Variants in CTNND2 observed in about 807,000 individuals in gnomAD.
CTNND2 encodes the protein catenin delta 2.
Under a neutral mutation model 144.4 loss-of-function variants are expected in CTNND2, and 22 were observed. The observed-to-expected ratio is 0.15, with a 90% CI of 0.11 to 0.22. CTNND2 has a LOEUF of 0.22. CTNND2 is among the 10% of genes least tolerant of loss of function. The pLI is 1.00. For missense variants in CTNND2, 1,353 were observed against 1,618.8 expected (o/e 0.84, Z 2.82); for synonymous variants, 751 against 695.6 (o/e 1.08, Z -1.25).
intron 1 of CTNND2, among the ~76,000 whole-genome samples, chr5:11,789,268 G>C (rs1374749853): frequency 6.6e-6 from 1 of 152,134 alleles, no homozygotes; most frequent in African/African-American, 2.4e-5. Flanking sequence ...GTGACTTTCT[G>C]AATCAATTTT....
chr5:11,553,299 G>A lies in CTNND2; in HGVS notation c.287+11645C>T, dbSNP rs140032469. 2.9e-3 allele frequency among the ~76,000 whole-genome samples: 444 copies of A among 152,224 alleles called. 2 individuals carry two copies. Among genetic ancestry groups the A allele is most frequent in the African/African-American group, 0.01 (427 of 41,530 alleles). ...ATCTCATCTTGTCAATTTCTGTGTG[G>A]TTGTCTAGACTATATTATGAAGGAG... On this transcript the variant is annotated intron_variant, in intron 3 of 21. Transcript: ENST00000304623.
chr5:11,285,572 G>T (rs114410400), intron 9 of CTNND2, among the ~76,000 whole-genome samples: 12 of 152,194 alleles, frequency 7.9e-5, no homozygotes, highest in African/African-American at 2.7e-4. Flanking sequence ...AAGCCAGAAT[G>T]AGGGGGATTT....
At chr5:11,198,054 T>C (rs780598473) in intron 11 of CTNND2, among the ~76,000 whole-genome samples, 13 of 152,202 alleles carry the variant, frequency 8.5e-5, no homozygotes, top group East Asian at 1.9e-4. Flanking sequence ...TCACATGCAC[T>C]GAGCTCTTTC....
At chr5:11,166,542 C>T (rs538350312) in intron 11 of CTNND2, among the ~76,000 whole-genome samples, 12 of 151,664 alleles carry the variant, frequency 7.9e-5, no homozygotes, top group East Asian at 7.8e-4. Flanking sequence ...CCACCACGCC[C>T]GGCCAAAAAA....
At chr5:11,318,680 A>G (rs993204136) in intron 9 of CTNND2, among the ~76,000 whole-genome samples, 1 of 152,032 alleles carries the variant, frequency 6.6e-6, no homozygotes, top group Admixed American at 6.6e-5. Flanking sequence ...TCCCTTTGAC[A>G]CCACTAAATC....
At chr5:11,653,645 C>G (rs1261648509) in intron 2 of CTNND2, among the ~76,000 whole-genome samples, 2 of 151,966 alleles carry the variant, frequency 1.3e-5, no homozygotes, top group Non-Finnish European at 2.9e-5. Flanking sequence ...TATTAGCCTT[C>G]TAGCAGATAC....
At chr5:11,154,392 T>G (rs565999142) in intron 12 of CTNND2, among the ~76,000 whole-genome samples, 1 of 152,326 alleles carries the variant, frequency 6.6e-6, no homozygotes, top group African/African-American at 2.4e-5. Context: ...ACATCTTGAC[T>G]TGTAGAACTC....
At position 11,623,837 on chromosome 5, in the gene CTNND2, T is replaced by C. The variant is rs1459268645; in HGVS notation, c.175-58781A>G. ...ATATATATATATATATATATATATA[T>C]ATATATATATATATATGCACCAAAA... On this transcript the variant is annotated intron_variant, in intron 2 of 21. Coordinates refer to ENST00000304623, the MANE Select transcript of CTNND2 (RefSeq NM_001332.4). Among the ~76,000 whole-genome samples the C allele has an allele frequency of 8.4e-4, 103 of 123,350 alleles. 2 individuals carry two copies. The highest frequency in any genetic ancestry group is 1.1e-3 in the Non-Finnish European group (68 of 60,936). The allele number at this position is 123,350 out of a possible 152,430, so 80.9% of individuals were successfully genotyped here.
At chr5:11,489,509 T>C (rs1769185714) in intron 3 of CTNND2, among the ~76,000 whole-genome samples, 1 of 152,054 alleles carries the variant, frequency 6.6e-6, no homozygotes, top group Non-Finnish European at 1.5e-5. Context: ...TCAATAAATG[T>C]GGTCTGAAAA....
chr5:11,117,399 C>T (rs375482761), intron 13 of CTNND2, 51 bp downstream of exon 13: 75 of 1,401,732 alleles, frequency 5.4e-5, no homozygotes, highest in Non-Finnish European at 6.5e-5. Flanking sequence ...TGTTGAGTCC[C>T]GTGGGAGTCT....
At chr5:10,994,251 C>T (rs1216883323) in intron 18 of CTNND2, among the ~76,000 whole-genome samples, 1 of 58,694 alleles carries the variant, frequency 1.7e-5, no homozygotes, top group African/African-American at 7.3e-5. Flanking sequence ...GATAGAGGAG[C>T]GGGGTGGGGG....
chr5:11,230,777 C>T (rs965765312), intron 10 of CTNND2, among the ~76,000 whole-genome samples: 2 of 152,222 alleles, frequency 1.3e-5, no homozygotes, highest in African/African-American at 4.8e-5. Context: ...TATGTGACTA[C>T]ACTTCTATCT....
chr5:11,651,694 A>G (rs181926693), intron 2 of CTNND2, among the ~76,000 whole-genome samples: 2 of 152,262 alleles, frequency 1.3e-5, no homozygotes, highest in East Asian at 3.9e-4. Context: ...CCTGGATGTG[A>G]GCAATGGAGT....
chr5:10,995,892 C>T (rs1185628632), intron 18 of CTNND2, among the ~76,000 whole-genome samples: 1 of 151,812 alleles, frequency 6.6e-6, no homozygotes, highest in East Asian at 1.9e-4. Context: ...TTGTTTTTTG[C>T]ATTTTCTTAT....
At chr5:11,771,451 A>AATAAAG (rs11281198) in intron 1 of CTNND2, among the ~76,000 whole-genome samples, 130,206 of 151,954 alleles carry the variant, frequency 0.86, 58,729 homozygotes, top group South Asian at 0.99. Flanking sequence ...TAAAATGAAA[A>AATAAAG]ATAAGGAACA....
chr5:11,250,782 G>A (rs1299536031), intron 9 of CTNND2, among the ~76,000 whole-genome samples: 1 of 151,942 alleles, frequency 6.6e-6, no homozygotes, highest in Non-Finnish European at 1.5e-5. Context: ...CTCCCAAAGT[G>A]CTGGGATTAC....
intron 9 of CTNND2, among the ~76,000 whole-genome samples, chr5:11,258,440 C>A (rs568571775): frequency 6.6e-6 from 1 of 152,210 alleles, no homozygotes; most frequent in African/African-American, 2.4e-5. Context: ...GCTCAGGCAC[C>A]AATCCGTTCA....
intron 3 of CTNND2, among the ~76,000 whole-genome samples, chr5:11,427,901 G>T (rs1193763079): frequency 2.0e-5 from 3 of 152,178 alleles, no homozygotes; most frequent in African/African-American, 7.2e-5. Flanking sequence ...GGAGGAAAAA[G>T]AGGTTTAATT....
intron 2 of CTNND2, among the ~76,000 whole-genome samples, chr5:11,609,228 TTGTTTC>T (rs535787227): frequency 1.5e-3 from 224 of 152,306 alleles, no homozygotes; most frequent in African/African-American, 5.2e-3. Flanking sequence ...GTTGCTTATG[TTGTTTC>T]TGCCTACATA....
Sources: gnomAD v4.1 joint callset for allele counts (sites outside exome capture counted in the v4.1 genomes callset) on GRCh38, gnomAD v4.1.1 for gene constraint, MANE v1.5 for transcripts, NCBI Gene and HGNC (gene_info 2026-07-23, HGNC 2026-07-21) for gene names.